The following MYL2 variants were observed in gnomAD, a reference collection of about 807,000 sequenced individuals.
The protein encoded by MYL2 is myosin light chain 2, also known as myosin regulatory light chain 2, ventricular/cardiac muscle isoform.
In MYL2, 19 loss-of-function variants were observed where a neutral mutation model predicts 23.0. The ratio of observed to expected loss-of-function variants is 0.83; its 90% confidence interval spans 0.58 to 1.21. The LOEUF (loss-of-function observed/expected upper bound fraction) is 1.21, where lower values mean the gene tolerates loss of function less well. Among genes scored for constraint, MYL2 ranks in the 50% most tolerant of loss-of-function variants. The pLI is 0.00. For synonymous variants in MYL2, 78 were observed against 76.2 expected (o/e 1.02, Z -0.13); for missense variants, 180 against 215.1 (o/e 0.84, Z 1.02).
intron 3 of MYL2, among the ~76,000 whole-genome samples, chr12:110,914,676 G>A (rs547949463): frequency 6.6e-6 from 1 of 152,270 alleles, no homozygotes; most frequent in South Asian, 2.1e-4. Context: ...ATGCCACCAT[G>A]CCTGGCTAAT....
At chr12:110,919,246 T>C in intron 1 of MYL2, 53 bp from the exon 2 acceptor site, 9 of 1,496,872 alleles carry the variant, frequency 6.0e-6, no homozygotes, top group Non-Finnish European at 3.7e-6. Flanking sequence ...GTCAAAAAAC[T>C]AGGTCAGGCC....
rs1201664807 is a variant in MYL2, at chr12:110,914,372, C to T, written c.170-82G>A. On this transcript the variant is annotated intron_variant, in intron 3 of 6. Transcript: ENST00000228841. ...ACACTGCCATTGGCTCCTGGGATTC[C>T]ACTTCAAGAAATCTAGTCTAGAAAT... is the stretch of plus-strand genomic sequence containing the variant. 3 of 933,610 alleles carry T rather than the reference C, an allele frequency of 3.2e-6. No individual in the cohort carries two copies. In the African/African-American group the frequency reaches 4.9e-5, roughly 15 times the overall value. 57.8% of individuals were successfully genotyped at this position (933,610 alleles called of 1,614,324 possible).
chr12:110,911,157 CG>C lies in MYL2; in HGVS notation c.420del (p.Ala141ProfsTer6), dbSNP rs1566147464. 6.3e-7 allele frequency: 1 copy of C among 1,599,728 alleles called. No individual in the cohort carries two copies. The highest frequency in any genetic ancestry group is 2.3e-5 in the East Asian group (1 of 43,916). On this transcript the variant is annotated frameshift_variant, in exon 7 of 7. Transcript: ENST00000228841. LOFTEE classifies it high-confidence loss of function. ...FSKEEVDQMF[A>X]AFPPDVTGNL... Reference sequence around the variant, plus strand: ...TTGCCAGTCACGTCAGGGGGGAAGGCGGCGAACATCTGGTCAACCTGCAATG... The same window carrying C: ...TTGCCAGTCACGTCAGGGGGGAAGGCGCGAACATCTGGTCAACCTGCAATG...
chr12:110,911,047 C>T lies in MYL2; in HGVS notation c.*30G>A, dbSNP rs201099141. On this transcript the variant is annotated 3_prime_UTR_variant, in exon 7 of 7. Coordinates refer to ENST00000228841, the MANE Select transcript of MYL2 (RefSeq NM_000432.4). ...GAGGGCAGGGACCACTCTGCAAAGA[C>T]GAGCCCAGGGCGCAGCAGCGAGCCC... 5.8e-5 allele frequency: 92 copies of T among 1,595,452 alleles called. No homozygotes were observed. The East Asian group carries it at 8.9e-4, about 15-fold the overall frequency.
intron 3 of MYL2, among the ~76,000 whole-genome samples, chr12:110,914,673 C>T (rs1344291533): frequency 4.6e-5 from 7 of 152,112 alleles, no homozygotes; most frequent in African/African-American, 1.7e-4. Context: ...TGCATGCCAC[C>T]ATGCCTGGCT....
rs1054078800 is a variant in MYL2, at chr12:110,920,513, G to A, written c.3+14C>T. ...CCACCCGGCATCATCACCTCCTGGA[G>A]CCCTTGTACTCACCATGGTGGAAAG... On this transcript the variant is annotated intron_variant, in intron 1 of 6. Transcript: ENST00000228841. The A allele has an allele frequency of 1.2e-6, 2 of 1,614,100 alleles. No homozygotes were observed. The highest frequency in any genetic ancestry group is 2.7e-5 in the African/African-American group (2 of 75,038).
chr12:110,914,088 G>T, intron 4 of MYL2, 98 bp downstream of exon 4: 3 of 964,708 alleles, frequency 3.1e-6, no homozygotes, highest in Non-Finnish European at 5.0e-6. Flanking sequence ...TTTTTCCAAT[G>T]GTGCTTTATC....
Position 110,911,015 on chromosome 12 carries a change from G to C in MYL2, c.*62C>G. 1 of 1,411,464 alleles carries C rather than the reference G, an allele frequency of 7.1e-7. No homozygotes were observed. Among genetic ancestry groups the C allele is most frequent in the Non-Finnish European group, 1.0e-6 (1 of 995,788 alleles). The allele number at this position is 1,411,464 out of a possible 1,614,324, so 87.4% of individuals were successfully genotyped here. Reference sequence around the variant, plus strand: ...AGGGACAGAGGCGGTACTCGGGGGAGAGAGATGAGGGCAGGGACCACTCTG... The same window carrying C: ...AGGGACAGAGGCGGTACTCGGGGGACAGAGATGAGGGCAGGGACCACTCTG... On this transcript the variant is annotated 3_prime_UTR_variant, in exon 7 of 7. Coordinates refer to ENST00000228841, the MANE Select transcript of MYL2 (RefSeq NM_000432.4).
At chr12:110,915,217 G>A (rs750122198) in intron 3 of MYL2, among the ~76,000 whole-genome samples, 8 of 152,160 alleles carry the variant, frequency 5.3e-5, no homozygotes, top group African/African-American at 1.9e-4. Context: ...TGGTGGTGGC[G>A]GGTAGCAGAT....
In MYL2 at chr12:110,919,173, CTTCTT is replaced by C; in HGVS notation, c.19_23del (p.Lys7GlufsTer22). The C allele has an allele frequency of 6.2e-7, 1 of 1,613,628 alleles. No individual in the cohort carries two copies. The highest frequency in any genetic ancestry group is 2.2e-5 in the East Asian group (1 of 44,886). ...CGTTGGAGTTGGCGCCCCCGGCTCT[CTTCTT>C]TGCTTTCTTAGGTGCCTGGGGGAAA... On this transcript the variant is annotated frameshift_variant, in exon 2 of 7. Coordinates refer to ENST00000228841, the MANE Select transcript of MYL2 (RefSeq NM_000432.4). LOFTEE classifies it high-confidence loss of function.
chr12:110,914,771 A>C (rs962215260), intron 3 of MYL2, among the ~76,000 whole-genome samples: 12 of 152,038 alleles, frequency 7.9e-5, no homozygotes, highest in African/African-American at 2.9e-4. Context: ...CCTCCAGCCT[A>C]CGCCTCCCAA....
chr12:110,910,912 G>A lies in MYL2; in HGVS notation c.*165C>T, dbSNP rs1209187451. Reference sequence around the variant, plus strand: ...TTCCAACTGTAGGATGTGCGGCCACGAAGTACCCATAGCCACCCAGGCTGC... The same window carrying A: ...TTCCAACTGTAGGATGTGCGGCCACAAAGTACCCATAGCCACCCAGGCTGC... On this transcript the variant is annotated 3_prime_UTR_variant, in exon 7 of 7. Transcript: ENST00000228841. 13 of 687,744 alleles carry A rather than the reference G, an allele frequency of 1.9e-5. No individual in the cohort carries two copies. The highest frequency in any genetic ancestry group is 7.0e-5 in the African/African-American group (4 of 57,130). The allele number at this position is 687,744 out of a possible 1,614,324, so 42.6% of individuals were successfully genotyped here. A position where few individuals can be genotyped will look rare whatever the true frequency, so the allele number is the denominator to read the frequency against.
Position 110,918,021 on chromosome 12 carries a change from T to TAA in MYL2, c.93+1082_93+1083insTT, listed in dbSNP as rs2071697791. Among the ~76,000 whole-genome samples, 12 of 152,294 alleles carry TAA rather than the reference T, an allele frequency of 7.9e-5. No homozygotes were observed. Among genetic ancestry groups the TAA allele is most frequent in the African/African-American group, 2.9e-4 (12 of 41,570 alleles). On this transcript the variant is annotated intron_variant, in intron 2 of 6. Coordinates refer to ENST00000228841, the MANE Select transcript of MYL2 (RefSeq NM_000432.4). This position sits in a 1 kb window ranked among gnomAD's most constrained non-coding sequence, Gnocchi z 4.4. ...ATTGATTAATCTGGGAGGTTGATGCTGCAGGGAGCCGTGGTTGTGCCACTG... is the reference window on the plus strand; with the variant it reads ...ATTGATTAATCTGGGAGGTTGATGCTAAGCAGGGAGCCGTGGTTGTGCCACTG...
Position 110,914,298 on chromosome 12 carries a change from A to G in MYL2, c.170-8T>C. The G allele has an allele frequency of 6.2e-7, 1 of 1,604,884 alleles. No homozygotes were observed. Among genetic ancestry groups the G allele is most frequent in the Non-Finnish European group, 8.5e-7 (1 of 1,171,664 alleles). On this transcript the variant is annotated splice_polypyrimidine_tract_variant and splice_region_variant and intron_variant, in intron 3 of 6. Transcript: ENST00000228841. Reference sequence around the variant, plus strand: ...TTTTCACGTTCACTCGCCCTAGGGTAGGAAACACACACTCAGGGACTCCGA... The same window carrying G: ...TTTTCACGTTCACTCGCCCTAGGGTGGGAAACACACACTCAGGGACTCCGA...
intron 2 of MYL2, 93 bp from the exon 3 acceptor site, chr12:110,915,883 G>T (rs2071685080): frequency 8.0e-6 from 8 of 1,000,330 alleles, no homozygotes; most frequent in African/African-American, 1.6e-5. Flanking sequence ...AGTGGATTCT[G>T]GGATCTTCAA....
intron 2 of MYL2, among the ~76,000 whole-genome samples, chr12:110,916,485 C>T (rs987123164): frequency 6.6e-6 from 1 of 152,192 alleles, no homozygotes; most frequent in African/African-American, 2.4e-5. Context: ...GAATATTATT[C>T]AGCCATAAAA....
chr12:110,918,069 C>T lies in MYL2; in HGVS notation c.93+1035G>A, dbSNP rs34695960. Among the ~76,000 whole-genome samples the T allele has an allele frequency of 1.1e-3, 163 of 152,182 alleles. No individual in the cohort carries two copies. The highest frequency in any genetic ancestry group is 1.7e-3 in the Non-Finnish European group (114 of 68,012). The stretch of plus-strand genomic sequence containing the variant: ...CTGCACTCTAGCCTGGGTGACAGAG[C>T]GAGACTCTGTCACACGCACAAAAAA... On this transcript the variant is annotated intron_variant, in intron 2 of 6. Coordinates refer to ENST00000228841, the MANE Select transcript of MYL2 (RefSeq NM_000432.4). This position sits in a 1 kb window ranked among gnomAD's most constrained non-coding sequence, Gnocchi z 4.4.
At chr12:110,914,460 T>C (rs2071676234) in intron 3 of MYL2, 170 bp from the exon 4 acceptor site, 1 of 673,124 alleles carries the variant, frequency 1.5e-6, no homozygotes, top group African/African-American at 1.8e-5. Context: ...GACAGTGTTA[T>C]TTATAATAAC....
intron 1 of MYL2, among the ~76,000 whole-genome samples, chr12:110,919,924 G>T (rs1480151148): frequency 3.9e-5 from 6 of 152,180 alleles, no homozygotes; most frequent in South Asian, 2.1e-4. Flanking sequence ...GCTCAGAGAG[G>T]TTGGGTCACT....
Sources: gnomAD v4.1 joint callset for allele counts (sites outside exome capture counted in the v4.1 genomes callset) on GRCh38, gnomAD v4.1.1 for gene constraint, Gnocchi (gnomAD v3.1) non-coding constraint, MANE v1.5 for transcripts, NCBI Gene and HGNC (gene_info 2026-07-23, HGNC 2026-07-21) for gene names.